Variants in TFAP2D observed in about 807,000 individuals in gnomAD.
TFAP2D encodes the protein transcription factor AP-2 delta, also known as transcription factor AP-2-delta.
TFAP2D carries 9 observed loss-of-function variants against 43.6 expected under a neutral mutation model. The ratio of observed to expected loss-of-function variants is 0.21; its 90% confidence interval spans 0.12 to 0.36. The LOEUF (loss-of-function observed/expected upper bound fraction) is 0.36. Ranked by LOEUF, TFAP2D falls within the 10% of genes least tolerant of loss-of-function variation. The pLI is 1.00. For synonymous variants in TFAP2D, 256 were observed against 224.9 expected (o/e 1.14, Z -1.24); for missense variants, 513 against 561.4 (o/e 0.91, Z 0.87).
intron 5 of TFAP2D, among the ~76,000 whole-genome samples, chr6:50,730,393 T>G (rs1053009110): frequency 6.6e-6 from 1 of 152,114 alleles, no homozygotes; most frequent in Non-Finnish European, 1.5e-5. Flanking sequence ...ATTTACTGTG[T>G]TACTATTACC....
rs563113838 is a variant in TFAP2D at position 50,715,578 on chromosome 6, C to T, written c.502C>T (p.Leu168=). ...PDQRLLPGPS[L]GLAAAGADDL... ...TCAAAGACTCCTGCCAGGGCCCAGCCTGGGGCTGGCCGCCGCGGGAGCAGA... is the reference window on the plus strand; with the variant it reads ...TCAAAGACTCCTGCCAGGGCCCAGCTTGGGGCTGGCCGCCGCGGGAGCAGA... The change falls in exon 2 of 8, where the codon CTG becomes TTG. Residue 168 remains leucine (L), a synonymous_variant. Transcript: ENST00000008391. 63 of 1,601,126 alleles carry T rather than the reference C, an allele frequency of 3.9e-5. No individual in the cohort carries two copies. Among genetic ancestry groups the T allele is most frequent in the Non-Finnish European group, 5.3e-5 (62 of 1,172,888 alleles).
In TFAP2D at chr6:50,772,922, A is replaced by G. The variant is rs1769556947; in HGVS notation, c.*58A>G. The G allele has an allele frequency of 2.7e-6, 4 of 1,484,930 alleles. No homozygotes were observed. Among genetic ancestry groups the G allele is most frequent in the Non-Finnish European group, 2.7e-6 (3 of 1,091,056 alleles). The allele number at this position is 1,484,930 out of a possible 1,614,324, so 92.0% of individuals were successfully genotyped here. On this transcript the variant is annotated 3_prime_UTR_variant, in exon 8 of 8. Transcript: ENST00000008391. ...TTGCTGCTGATATTTTTTCTAATATATATATCATTGAGGGTGACTAATCTT... is the reference window on the plus strand; with the variant it reads ...TTGCTGCTGATATTTTTTCTAATATGTATATCATTGAGGGTGACTAATCTT...
intron 7 of TFAP2D, among the ~76,000 whole-genome samples, chr6:50,752,449 G>A (rs567546107): frequency 3.4e-4 from 51 of 151,884 alleles, no homozygotes; most frequent in African/African-American, 1.2e-3. Context: ...GTTAAACAAT[G>A]ATAAGGAAAG....
At chr6:50,723,577 TG>T (rs1261511325) in intron 3 of TFAP2D, among the ~76,000 whole-genome samples, 1 of 152,232 alleles carries the variant, frequency 6.6e-6, no homozygotes, top group Non-Finnish European at 1.5e-5. Flanking sequence ...AAGCCTCGCC[TG>T]CCTCCTTAGT....
At chr6:50,747,695 G>A (rs1769143957) in intron 6 of TFAP2D, among the ~76,000 whole-genome samples, 1 of 152,068 alleles carries the variant, frequency 6.6e-6, no homozygotes, top group Admixed American at 6.6e-5. Context: ...AATTGGCACC[G>A]AGATTGTGTT....
chr6:50,762,407 C>T (rs1476338497), intron 7 of TFAP2D, among the ~76,000 whole-genome samples: 1 of 151,956 alleles, frequency 6.6e-6, no homozygotes, highest in Non-Finnish European at 1.5e-5. Context: ...ACTACACACA[C>T]GAGTGCAAAA....
intron 3 of TFAP2D, among the ~76,000 whole-genome samples, chr6:50,720,727 AGGG>A (rs980361091): frequency 1.8e-4 from 28 of 152,154 alleles, no homozygotes; most frequent in Admixed American, 1.2e-3. Flanking sequence ...TGTGCTGATC[AGGG>A]GTCTGTTGGG....
chr6:50,764,245 T>TA (rs1414903446), intron 7 of TFAP2D, among the ~76,000 whole-genome samples: 1 of 152,082 alleles, frequency 6.6e-6, no homozygotes, highest in Non-Finnish European at 1.5e-5. Context: ...TTTCTAGACT[T>TA]AAAAAAAGGT....
At chr6:50,741,491 T>A (rs1015469432) in intron 5 of TFAP2D, among the ~76,000 whole-genome samples, 1 of 152,138 alleles carries the variant, frequency 6.6e-6, no homozygotes, top group African/African-American at 2.4e-5. Flanking sequence ...TATGTGTCCA[T>A]GTGTTCTCAT....
intron 7 of TFAP2D, among the ~76,000 whole-genome samples, chr6:50,758,372 A>G (rs895329863): frequency 6.6e-6 from 1 of 151,960 alleles, no homozygotes; most frequent in Non-Finnish European, 1.5e-5. Flanking sequence ...ACTGCTCTCT[A>G]TCTTTGACAA....
At chr6:50,767,761 C>A (rs1769464915) in intron 7 of TFAP2D, among the ~76,000 whole-genome samples, 1 of 152,084 alleles carries the variant, frequency 6.6e-6, no homozygotes, top group Non-Finnish European at 1.5e-5. Flanking sequence ...AAGAGATAAG[C>A]TTGAGATAAA....
chr6:50,758,617 G>T (rs530682887), intron 7 of TFAP2D, among the ~76,000 whole-genome samples: 19 of 152,024 alleles, frequency 1.2e-4, no homozygotes, highest in Non-Finnish European at 2.5e-4. Context: ...ACGCTGAAGA[G>T]CAGATATTTG....
intron 5 of TFAP2D, among the ~76,000 whole-genome samples, chr6:50,737,532 C>T (rs1202311806): frequency 3.3e-5 from 5 of 152,128 alleles, no homozygotes; most frequent in Non-Finnish European, 7.4e-5. Flanking sequence ...CAGTAAAATA[C>T]TTCCTTTTCA....
intron 2 of TFAP2D, 136 bp downstream of exon 2, chr6:50,715,749 T>TCTCACA (rs1458566034): frequency 7.5e-5 from 32 of 428,606 alleles, no homozygotes; most frequent in African/African-American, 4.7e-4. Flanking sequence ...TCTCTCTCTC[T>TCTCACA]CACACACACA....
At chr6:50,739,259 C>T (rs544721575) in intron 5 of TFAP2D, among the ~76,000 whole-genome samples, 159 of 152,084 alleles carry the variant, frequency 1.0e-3, no homozygotes, top group African/African-American at 3.7e-3. Context: ...GTGTGATGTT[C>T]CCCACCCTGT....
intron 7 of TFAP2D, among the ~76,000 whole-genome samples, chr6:50,756,105 T>G (rs1209453294): frequency 6.6e-6 from 1 of 152,016 alleles, no homozygotes. Context: ...TCAAGCAGTC[T>G]GCCCACCTTG....
chr6:50,715,743 T>A (rs1048568413), intron 2 of TFAP2D, 130 bp downstream of exon 2: 696 of 675,478 alleles, frequency 1.0e-3, no homozygotes, highest in African/African-American at 4.0e-3. Flanking sequence ...TCTCTCTCTC[T>A]CTCTCTCACA....
In TFAP2D at chr6:50,771,208, G is replaced by A. The variant is rs977437282; in HGVS notation, c.1140-1437G>A. Reference sequence around the variant, plus strand: ...ATGTTGGGTGGCTTACATAAGACAGGGTTTTATTTCTCTCTCATTTAGGAG... The same window carrying A: ...ATGTTGGGTGGCTTACATAAGACAGAGTTTTATTTCTCTCTCATTTAGGAG... On this transcript the variant is annotated intron_variant, in intron 7 of 7. Transcript: ENST00000008391. Among the ~76,000 whole-genome samples the A allele has an allele frequency of 3.9e-5, 6 of 152,106 alleles. 1 individual carries two copies. Among genetic ancestry groups the A allele is most frequent in the Admixed American group, 2.6e-4 (4 of 15,286 alleles).
At chr6:50,735,208 T>C (rs751242358) in intron 5 of TFAP2D, among the ~76,000 whole-genome samples, 29 of 152,196 alleles carry the variant, frequency 1.9e-4, no homozygotes, top group Non-Finnish European at 2.6e-4. Flanking sequence ...GATTATACAA[T>C]TGGGTGCAGC....
Sources: allele counts gnomAD v4.1 joint callset (sites outside exome capture counted in the v4.1 genomes callset), GRCh38; gene constraint gnomAD v4.1.1; transcripts MANE v1.5; gene names NCBI Gene and HGNC (gene_info 2026-07-23, HGNC 2026-07-21).